XPR1: variants seen among roughly 807,000 people sequenced by gnomAD.
XPR1 encodes the protein xenotropic and polytropic retrovirus receptor 1, also known as solute carrier family 53 member 1.
In XPR1, 28 loss-of-function variants were observed where a neutral mutation model predicts 87.5. The ratio of observed to expected loss-of-function variants is 0.32; its 90% CI spans 0.24 to 0.44. XPR1 has a LOEUF of 0.44. Ranked by LOEUF, XPR1 falls within the 20% of genes least tolerant of loss-of-function variation. XPR1 has a pLI of 1.00. For missense variants in XPR1, 559 were observed against 862.3 expected (o/e 0.65, Z 4.41); for synonymous variants, 300 against 306.1 (o/e 0.98, Z 0.21).
At chr1:180,831,758 G>C (rs1045205713) in intron 9 of XPR1, among the ~76,000 whole-genome samples, 7 of 152,014 alleles carry the variant, frequency 4.6e-5, no homozygotes, top group Admixed American at 4.6e-4. Flanking sequence ...AGTATTCCAT[G>C]GTGTATATGT....
chr1:180,859,402 T>TAG (rs1399547064), intron 11 of XPR1, among the ~76,000 whole-genome samples: 1 of 152,124 alleles, frequency 6.6e-6, no homozygotes, highest in Non-Finnish European at 1.5e-5. Flanking sequence ...AAGCTTAGAG[T>TAG]AGAATAGCAA....
chr1:180,731,194 T>C (rs1366214005), intron 2 of XPR1, among the ~76,000 whole-genome samples: 1 of 152,186 alleles, frequency 6.6e-6, no homozygotes, highest in African/African-American at 2.4e-5. Context: ...AGTTTAAAAT[T>C]TTCTGTAGGT....
rs575765167 is a variant in XPR1, at chr1:180,662,767, G to T, written c.70-19593G>T. ...TTTAAGGCCAGTAATTCTTAGATTT[G>T]CCCTTTTGAGGTTCTTGTCTAGATC... On this transcript the variant is annotated intron_variant, in intron 1 of 14. Transcript: ENST00000367590. Among the ~76,000 whole-genome samples the T allele has an allele frequency of 8.6e-5, 13 of 152,036 alleles. No individual in the cohort carries two copies. In the East Asian group the frequency reaches 2.5e-3, roughly 29 times the overall value.
Position 180,748,542 on chromosome 1 carries a change from C to A in XPR1, c.122-39211C>A, listed in dbSNP as rs566261388. Among the ~76,000 whole-genome samples the A allele has an allele frequency of 2.9e-4, 44 of 150,720 alleles. No individual in the cohort carries two copies. In the South Asian group the frequency reaches 4.7e-3, roughly 16 times the overall value. ...CAAGCAATTCTCCTGCCTCAGCCTC[C>A]CGAGTAGCTGGGATTACAGGCATGC... On this transcript the variant is annotated intron_variant, in intron 2 of 14. Coordinates refer to ENST00000367590, the MANE Select transcript of XPR1 (RefSeq NM_004736.4).
intron 2 of XPR1, among the ~76,000 whole-genome samples, chr1:180,749,601 C>A (rs1338945847): frequency 6.9e-6 from 1 of 144,544 alleles, no homozygotes; most frequent in African/African-American, 2.6e-5. Context: ...TGCTGTACAT[C>A]CTGTATATCA....
intron 2 of XPR1, among the ~76,000 whole-genome samples, chr1:180,777,492 A>G (rs768829505): frequency 1.7e-4 from 26 of 152,184 alleles, no homozygotes; most frequent in Non-Finnish European, 7.4e-5. Flanking sequence ...TATTTTGCTT[A>G]TCGCTGTATC....
intron 3 of XPR1, among the ~76,000 whole-genome samples, chr1:180,797,286 G>T (rs960191135): frequency 2.0e-5 from 3 of 152,184 alleles, no homozygotes; most frequent in African/African-American, 7.2e-5. Flanking sequence ...AGAATTATAT[G>T]CAGTGTGCTT....
At chr1:180,635,215 T>C (rs1654723352) in intron 1 of XPR1, among the ~76,000 whole-genome samples, 1 of 152,236 alleles carries the variant, frequency 6.6e-6, no homozygotes. Flanking sequence ...CATTTGTAAG[T>C]AGTTTGTGCA....
intron 2 of XPR1, among the ~76,000 whole-genome samples, chr1:180,774,897 C>T (rs938287041): frequency 1.3e-5 from 2 of 152,194 alleles, no homozygotes; most frequent in African/African-American, 2.4e-5. Context: ...CACCAACAGA[C>T]GTAGTGCCTG....
intron 7 of XPR1, among the ~76,000 whole-genome samples, chr1:180,812,933 G>C (rs1294906336): frequency 6.6e-6 from 1 of 152,034 alleles, no homozygotes; most frequent in Non-Finnish European, 1.5e-5. Flanking sequence ...ACAGGCATGA[G>C]CCACCGCGCC....
chr1:180,684,935 G>C (rs1280574841), intron 2 of XPR1, among the ~76,000 whole-genome samples: 10 of 152,072 alleles, frequency 6.6e-5, no homozygotes, highest in East Asian at 5.8e-4. Context: ...CTGCAAACAG[G>C]GACAATTTGA....
intron 11 of XPR1, among the ~76,000 whole-genome samples, chr1:180,847,625 TCCA>T (rs1259511301): frequency 6.6e-6 from 1 of 152,186 alleles, no homozygotes; most frequent in Admixed American, 6.5e-5. Flanking sequence ...TGATATCCTC[TCCA>T]CCATCTGTGA....
intron 2 of XPR1, among the ~76,000 whole-genome samples, chr1:180,755,413 G>C (rs1451665194): frequency 1.3e-5 from 2 of 152,208 alleles, no homozygotes; most frequent in African/African-American, 2.4e-5. Context: ...TCAGGATACT[G>C]TATGTAGCTG....
At chr1:180,774,626 C>G (rs184441468) in intron 2 of XPR1, among the ~76,000 whole-genome samples, 3 of 152,028 alleles carry the variant, frequency 2.0e-5, no homozygotes, top group East Asian at 3.9e-4. Context: ...CCAGGGTAGT[C>G]TCAATCTCCT....
intron 2 of XPR1, among the ~76,000 whole-genome samples, chr1:180,742,873 T>C (rs772112981): frequency 2.6e-5 from 4 of 152,104 alleles, no homozygotes; most frequent in African/African-American, 4.8e-5. Flanking sequence ...TTGACTCTTT[T>C]ATGAGATGTG....
chr1:180,772,714 C>T (rs1272267344), intron 2 of XPR1, among the ~76,000 whole-genome samples: 3 of 152,146 alleles, frequency 2.0e-5, no homozygotes, highest in South Asian at 4.2e-4. Context: ...TCTGCACAAC[C>T]GCTCTTTGCC....
intron 9 of XPR1, among the ~76,000 whole-genome samples, chr1:180,831,642 C>T (rs142353525): frequency 0.032 from 4,668 of 146,956 alleles, 91 homozygotes; most frequent in African/African-American, 0.05. Flanking sequence ...TGAGAACATG[C>T]GGTGTTTGGT....
chr1:180,742,133 G>GT (rs1557984480), intron 2 of XPR1, among the ~76,000 whole-genome samples: 1 of 151,332 alleles, frequency 6.6e-6, no homozygotes, highest in Non-Finnish European at 1.5e-5. Flanking sequence ...TTATTAGGGG[G>GT]TTTTTTTGGT....
rs902430455 is a variant in XPR1 at position 180,791,141 on chromosome 1, C to T, written c.223+3287C>T. ...CAAGTTTATTAGCTTTTTTCTTTTA[C>T]TATGACATTTTTTGAAAAAGAAGGA... On this transcript the variant is annotated intron_variant, in intron 3 of 14. Transcript: ENST00000367590. Among the ~76,000 whole-genome samples, 19 of 152,212 alleles carry T rather than the reference C, an allele frequency of 1.2e-4. No individual in the cohort carries two copies. The East Asian group carries it at 3.7e-3, about 29-fold the overall frequency.
Sources: gnomAD v4.1 joint callset for allele counts (sites outside exome capture counted in the v4.1 genomes callset) on GRCh38, gnomAD v4.1.1 for gene constraint, MANE v1.5 for transcripts, NCBI Gene and HGNC (gene_info 2026-07-23, HGNC 2026-07-21) for gene names.